The following ACCSL variants were observed in gnomAD, a reference collection of about 807,000 sequenced individuals.
ACCSL encodes the protein probable inactive 1-aminocyclopropane-1-carboxylate synthase-like protein 2.
A neutral mutation model predicts 61.7 loss-of-function variants in ACCSL; 55 were observed. The observed-to-expected ratio is 0.89, with a 90% CI of 0.72 to 1.12. ACCSL has a LOEUF of 1.12. Ranked by LOEUF, ACCSL falls within the 50% of genes most tolerant of loss-of-function variation. The pLI is 0.00. For synonymous variants in ACCSL, 258 were observed against 264.3 expected, an observed-to-expected ratio of 0.98 and a Z score of 0.23; for missense variants, 632 against 698.0, an observed-to-expected ratio of 0.91 and a Z score of 1.07.
chr11:44,017,152 A>G, the ACCSL span, among the ~76,000 whole-genome samples: 1 of 152,126 alleles, frequency 6.6e-6, no homozygotes, highest in Non-Finnish European at 1.5e-5. Context: ...GGACTTGTCT[A>G]TGGGGGTCCA....
At chr11:43,955,034 G>C in the ACCSL span, among the ~76,000 whole-genome samples, 1 of 152,188 alleles carries the variant, frequency 6.6e-6, no homozygotes, top group East Asian at 1.9e-4. Context: ...TTTGGGGGCT[G>C]CTTTTGTTAA....
At chr11:44,027,017 C>T in the ACCSL span, among the ~76,000 whole-genome samples, 9 of 152,288 alleles carry the variant, frequency 5.9e-5, no homozygotes, top group South Asian at 2.1e-4. Context: ...CGTGAGCCAC[C>T]GCACCCAGCC....
chr11:44,054,104 G>A (rs1445253493), intron 8 of ACCSL, among the ~76,000 whole-genome samples: 1 of 152,164 alleles, frequency 6.6e-6, no homozygotes, highest in African/African-American at 2.4e-5. Context: ...TTAAGCTTAA[G>A]TACTTTCTCC....
chr11:44,010,375 A>AT, the ACCSL span, among the ~76,000 whole-genome samples: 3 of 152,170 alleles, frequency 2.0e-5, no homozygotes, highest in Non-Finnish European at 4.4e-5. Flanking sequence ...GGCAACAAAT[A>AT]TTTACTGAAC....
At chr11:43,943,270 G>A in the ACCSL span, 2 of 1,495,134 alleles carry the variant, frequency 1.3e-6, no homozygotes, top group Non-Finnish European at 1.8e-6. The surrounding 1 kb of genome is among the most constrained non-coding windows in gnomAD (Gnocchi z 4.8). Context: ...ACTCGGCCCT[G>A]TAAGGGGCGC....
chr11:43,956,248 C>T, the ACCSL span, among the ~76,000 whole-genome samples: 1 of 152,186 alleles, frequency 6.6e-6, no homozygotes, highest in Admixed American at 6.5e-5. Context: ...GTGATTTGCA[C>T]AGGTGTGGGC....
the ACCSL span, among the ~76,000 whole-genome samples, chr11:43,947,970 C>G: frequency 1.3e-5 from 2 of 152,192 alleles, no homozygotes; most frequent in African/African-American, 4.8e-5. Context: ...TCCTTCCCCT[C>G]CCTGCCTGGG....
chr11:43,967,332 C>T, the ACCSL span, among the ~76,000 whole-genome samples: 3 of 151,874 alleles, frequency 2.0e-5, no homozygotes, highest in Admixed American at 6.6e-5. Context: ...CACCTGTCAC[C>T]ATGCCCAGAT....
At chr11:43,937,747 G>A in the ACCSL span, among the ~76,000 whole-genome samples, 4 of 151,540 alleles carry the variant, frequency 2.6e-5, no homozygotes, top group East Asian at 1.9e-4. Context: ...CCTGGATGTC[G>A]AAGGGTCTCT....
At chr11:44,011,448 G>T in the ACCSL span, among the ~76,000 whole-genome samples, 3 of 152,192 alleles carry the variant, frequency 2.0e-5, no homozygotes, top group African/African-American at 4.8e-5. Context: ...TTAGCACAAA[G>T]CATGGAAGAA....
the ACCSL span, among the ~76,000 whole-genome samples, chr11:43,976,187 G>A: frequency 6.6e-6 from 1 of 152,136 alleles, no homozygotes; most frequent in Non-Finnish European, 1.5e-5. Context: ...ACTTAAAGCT[G>A]ATGTTGTAAT....
At chr11:44,022,278 A>G in the ACCSL span, among the ~76,000 whole-genome samples, 1 of 152,064 alleles carries the variant, frequency 6.6e-6, no homozygotes, top group East Asian at 1.9e-4. Context: ...TGTTTGTGTC[A>G]TCTATGATTT....
chr11:44,046,717 T>C (rs1179218380), upstream of ACCSL, among the ~76,000 whole-genome samples: 1 of 152,108 alleles, frequency 6.6e-6, no homozygotes, highest in African/African-American at 2.4e-5. Context: ...CTTGGAATTG[T>C]AGCATTTGGT....
the ACCSL span, among the ~76,000 whole-genome samples, chr11:43,976,633 G>C: frequency 6.6e-6 from 1 of 152,172 alleles, no homozygotes; most frequent in African/African-American, 2.4e-5. Context: ...CTGAAGCTCT[G>C]CCATTTTCCA....
the ACCSL span, among the ~76,000 whole-genome samples, chr11:43,963,009 A>G: frequency 2.0e-5 from 3 of 152,164 alleles, no homozygotes; most frequent in African/African-American, 4.8e-5. Flanking sequence ...GATCGGGGGT[A>G]TCTATTGTGG....
chr11:43,970,302 C>A, the ACCSL span, among the ~76,000 whole-genome samples: 1 of 152,050 alleles, frequency 6.6e-6, no homozygotes, highest in Non-Finnish European at 1.5e-5. Context: ...ACCTCCTGGG[C>A]TCACGTGATC....
At chr11:43,925,426 C>T in the ACCSL span, 13 of 456,070 alleles carry the variant, frequency 2.9e-5, no homozygotes. Context: ...CACGCTGCAC[C>T]AGCCAGGTGG....
At chr11:43,950,696 C>T in the ACCSL span, among the ~76,000 whole-genome samples, 1 of 152,204 alleles carries the variant, frequency 6.6e-6, no homozygotes, top group East Asian at 1.9e-4. Flanking sequence ...CCCACAAGCC[C>T]AATGGCCTAG....
At chr11:44,034,539 T>C in the ACCSL span, among the ~76,000 whole-genome samples, 12 of 127,694 alleles carry the variant, frequency 9.4e-5, no homozygotes, top group Non-Finnish European at 1.6e-4. Flanking sequence ...GCAAAAAATA[T>C]GTCTTACATG....
Sources: allele counts gnomAD v4.1 joint callset (sites outside exome capture counted in the v4.1 genomes callset), GRCh38; gene constraint gnomAD v4.1.1; non-coding constraint Gnocchi (gnomAD v3.1); transcripts MANE v1.5; gene names NCBI Gene and HGNC (gene_info 2026-07-23, HGNC 2026-07-21).